POU2F1: variants seen among roughly 807,000 people sequenced by gnomAD.
POU2F1 encodes the protein POU class 2 homeobox 1.
POU2F1 carries 16 observed loss-of-function variants against 84.9 expected under a neutral mutation model. The ratio of observed to expected loss-of-function variants is 0.19; its 90% CI spans 0.13 to 0.29. The LOEUF is 0.29. Among genes scored for constraint, POU2F1 ranks in the 10% least tolerant of loss-of-function variants. POU2F1 has a pLI of 1.00. For missense variants in POU2F1, 738 were observed against 942.6 expected (o/e 0.78, Z 2.84); for synonymous variants, 368 against 368.3 (o/e 1.00, Z 0.01).
In POU2F1 at chr1:167,396,306, G is replaced by A; in HGVS notation, c.1008G>A (p.Met336Ile). 1.9e-6 allele frequency: 3 copies of A among 1,614,092 alleles called. No homozygotes were observed. Among genetic ancestry groups the A allele is most frequent in the Non-Finnish European group, 2.5e-6 (3 of 1,179,982 alleles). Residue 336 changes from methionine (M) to isoleucine (I), a missense_variant, in exon 10 of 16, where the codon ATG becomes ATA. Met to Ile is a conservative substitution (Grantham distance 10). This residue lies in a region of POU2F1 where 95 missense variants were observed against 195.1 expected (regional missense o/e 0.49). Transcript: ENST00000367866. ...GFTQGDVGLA[M>I]GKLYGNDFSQ... ...TGTAGGGTGATGTTGGGCTCGCTAT[G>A]GGGAAACTATATGGAAATGACTTCA... is the stretch of plus-strand genomic sequence containing the variant.
rs1175725494 is a variant in POU2F1 at position 167,420,100 on chromosome 1, C to T, written c.*4290C>T. The stretch of plus-strand genomic sequence containing the variant: ...TATTTAAATTCAGCCCAATCTTTAA[C>T]ATTAAAAAATTTTCTTTTTAACTTG... On this transcript the variant is annotated 3_prime_UTR_variant, in exon 16 of 16. Transcript: ENST00000367866. 5.3e-5 allele frequency: 8 copies of T among 151,398 alleles called. No homozygotes were observed. The highest frequency in any genetic ancestry group is 1.3e-4 in the Admixed American group (2 of 15,208). 9.4% of individuals were successfully genotyped at this position (151,398 alleles called of 1,614,324 possible). A position where few individuals can be genotyped will look rare whatever the true frequency, so the allele number is the denominator to read the frequency against.
chr1:167,373,291 T>G (rs2101850612), intron 5 of POU2F1, among the ~76,000 whole-genome samples: 1 of 152,358 alleles, frequency 6.6e-6, no homozygotes, highest in Admixed American at 6.5e-5. Context: ...CATTTACTAC[T>G]TTAAGTGTGT....
chr1:167,405,126 C>T (rs1332955100), intron 13 of POU2F1, among the ~76,000 whole-genome samples: 1 of 152,138 alleles, frequency 6.6e-6, no homozygotes, highest in Non-Finnish European at 1.5e-5. Context: ...TCCATTGTGT[C>T]TCAAAAACTT....
chr1:167,383,353 T>C (rs1647709873), intron 7 of POU2F1: 2 of 152,290 alleles, frequency 1.3e-5, no homozygotes, highest in African/African-American at 4.8e-5. Context: ...ACATTATCAA[T>C]TATTTGAAAC....
chr1:167,270,871 A>T lies in POU2F1; in HGVS notation c.61+49913A>T, dbSNP rs368174359. On this transcript the variant is annotated intron_variant, in intron 1 of 15. Transcript: ENST00000367866. ...CCCAGCACATTTCTGCCCCTTCCACATGGTTTTTCACTAACTCCTGAATGT... is the reference window on the plus strand; with the variant it reads ...CCCAGCACATTTCTGCCCCTTCCACTTGGTTTTTCACTAACTCCTGAATGT... Among the ~76,000 whole-genome samples, 71 of 152,304 alleles carry T rather than the reference A, an allele frequency of 4.7e-4. 1 individual carries two copies. In the East Asian group the frequency reaches 6.0e-3, roughly 13 times the overall value.
chr1:167,347,822 T>TA (rs2101775944), intron 2 of POU2F1, among the ~76,000 whole-genome samples: 1 of 152,310 alleles, frequency 6.6e-6, no homozygotes, highest in East Asian at 1.9e-4. Flanking sequence ...TAACTTAGTA[T>TA]AATGTTTTCA....
chr1:167,251,212 A>G (rs1468852736), intron 1 of POU2F1, among the ~76,000 whole-genome samples: 1 of 151,414 alleles, frequency 6.6e-6, no homozygotes, highest in East Asian at 1.9e-4. Context: ...CAGCCTGCCC[A>G]ACATGTGAAA....
intron 1 of POU2F1, among the ~76,000 whole-genome samples, chr1:167,250,491 T>C (rs755549896): frequency 3.3e-5 from 5 of 152,230 alleles, no homozygotes; most frequent in Non-Finnish European, 7.3e-5. Context: ...CTTGAGAATG[T>C]TGCCACAGGA....
At chr1:167,311,136 C>T (rs1430255634) in intron 1 of POU2F1, among the ~76,000 whole-genome samples, 1 of 152,018 alleles carries the variant, frequency 6.6e-6, no homozygotes, top group African/African-American at 2.4e-5. Context: ...AGAAACTGAG[C>T]AAATTTCAAA....
intron 1 of POU2F1, among the ~76,000 whole-genome samples, chr1:167,283,189 A>C (rs142818712): frequency 3.3e-5 from 5 of 152,140 alleles, no homozygotes; most frequent in Non-Finnish European, 7.3e-5. Flanking sequence ...TTTATTTAAA[A>C]ATATTTGAGC....
At chr1:167,276,978 C>T (rs1286667381) in intron 1 of POU2F1, among the ~76,000 whole-genome samples, 1 of 152,128 alleles carries the variant, frequency 6.6e-6, no homozygotes, top group Non-Finnish European at 1.5e-5. Context: ...TTGCATTCTA[C>T]TGCCAGTCTA....
At chr1:167,303,630 G>A (rs1457374681) in intron 1 of POU2F1, 1 of 152,462 alleles carries the variant, frequency 6.6e-6, no homozygotes, top group Non-Finnish European at 1.5e-5. Flanking sequence ...ATAAATCCAG[G>A]TGTTATGATG....
chr1:167,236,126 C>G (rs922309297), intron 1 of POU2F1, among the ~76,000 whole-genome samples: 10 of 151,238 alleles, frequency 6.6e-5, no homozygotes, highest in Non-Finnish European at 1.2e-4. Flanking sequence ...TTTTTTTAGA[C>G]AGACGATTGC....
At chr1:167,266,267 A>G (rs950313912) in intron 1 of POU2F1, among the ~76,000 whole-genome samples, 3 of 152,144 alleles carry the variant, frequency 2.0e-5, no homozygotes, top group African/African-American at 7.2e-5. Context: ...AAATCTCCTT[A>G]ATGGTACCAA....
At chr1:167,371,142 G>A (rs1015373698) in intron 4 of POU2F1, among the ~76,000 whole-genome samples, 2 of 152,268 alleles carry the variant, frequency 1.3e-5, no homozygotes, top group South Asian at 4.1e-4. Context: ...GGGAGAGGAG[G>A]CGGAAAATTG....
intron 1 of POU2F1, among the ~76,000 whole-genome samples, chr1:167,309,851 A>C (rs1344277343): frequency 3.3e-5 from 5 of 152,196 alleles, no homozygotes; most frequent in Non-Finnish European, 1.5e-5. Flanking sequence ...TTTTAATTTC[A>C]ACGCATATAA....
chr1:167,253,172 A>G (rs1172026977), intron 1 of POU2F1, among the ~76,000 whole-genome samples: 1 of 152,214 alleles, frequency 6.6e-6, no homozygotes, highest in Non-Finnish European at 1.5e-5. Context: ...TTAAGAGGGC[A>G]AAAGTTTCAC....
chr1:167,338,390 C>G lies in POU2F1; in HGVS notation c.127+5855C>G, dbSNP rs752998634. On this transcript the variant is annotated intron_variant, in intron 2 of 15. Coordinates refer to ENST00000367866, the MANE Select transcript of POU2F1 (RefSeq NM_002697.4). ...AGCAATGCTTCTGGTCAACAGTAGG[C>G]TATTAGTATTTGAGTTTTGTGGGAG... is the stretch of plus-strand genomic sequence containing the variant. 6.4e-5 allele frequency: 23 copies of G among 359,532 alleles called. No individual in the cohort carries two copies. The Admixed American group carries it at 7.9e-4, about 12-fold the overall frequency. 22.3% of individuals were successfully genotyped at this position (359,532 alleles called of 1,614,324 possible). A position where few individuals can be genotyped will look rare whatever the true frequency, so the allele number is the denominator to read the frequency against.
intron 7 of POU2F1, among the ~76,000 whole-genome samples, chr1:167,378,855 C>G (rs369766785): frequency 7.2e-5 from 11 of 151,744 alleles, no homozygotes; most frequent in Non-Finnish European, 1.5e-4. Flanking sequence ...CGAGTTCAAG[C>G]GATTATCCTG....
Sources: allele counts gnomAD v4.1 joint callset (sites outside exome capture counted in the v4.1 genomes callset), GRCh38; gene constraint gnomAD v4.1.1; regional missense constraint gnomAD v4.1.1; transcripts MANE v1.5; gene names NCBI Gene and HGNC (gene_info 2026-07-23, HGNC 2026-07-21).